ZNF124: variants seen among roughly 807,000 people sequenced by gnomAD.
ZNF124 encodes the protein zinc finger protein HZF-16.
ZNF124 carries 25 observed loss-of-function variants against 26.6 expected under a neutral mutation model. The ratio of observed to expected loss-of-function variants is 0.94; its 90% CI spans 0.68 to 1.31. The LOEUF is 1.31. Among genes scored for constraint, ZNF124 ranks in the 40% most tolerant of loss-of-function variants. ZNF124 has a pLI of 0.00. For missense variants in ZNF124, 444 were observed against 422.2 expected (o/e 1.05, Z -0.45); for synonymous variants, 129 against 133.3 (o/e 0.97, Z 0.22).
chr1:247,148,047 T>C (rs892298843), intron 3 of ZNF124, among the ~76,000 whole-genome samples: 1 of 152,282 alleles, frequency 6.6e-6, no homozygotes, highest in Admixed American at 6.5e-5. Flanking sequence ...GCCTGTTGAC[T>C]GCTTTCAGCA....
At chr1:247,139,792 T>C (rs1672578856) in intron 3 of ZNF124, among the ~76,000 whole-genome samples, 4 of 152,312 alleles carry the variant, frequency 2.6e-5, no homozygotes, top group Non-Finnish European at 4.4e-5. Context: ...GGTTGAAGAT[T>C]TTTTTCTTTA....
intron 3 of ZNF124, among the ~76,000 whole-genome samples, chr1:247,127,645 T>A (rs1015873014): frequency 1.4e-5 from 2 of 148,128 alleles, no homozygotes; most frequent in Non-Finnish European, 3.0e-5. Context: ...GGAAAAGCAC[T>A]GTGAAAATCC....
intron 1 of ZNF124, among the ~76,000 whole-genome samples, chr1:247,165,092 GAGTAGCTGTGACTAC>G (rs1384332392): frequency 1.3e-5 from 2 of 151,856 alleles, no homozygotes; most frequent in East Asian, 3.9e-4. Flanking sequence ...TCAGCCTCCC[GAGTAGCTGTGACTAC>G]AGGCGCCTGC....
chr1:247,130,083 G>A (rs192263862), intron 3 of ZNF124, among the ~76,000 whole-genome samples: 7 of 152,252 alleles, frequency 4.6e-5, no homozygotes, highest in South Asian at 4.1e-4. Flanking sequence ...ACTGCTACTC[G>A]TTTGTCACCT....
intron 2 of ZNF124, 30 bp downstream of exon 2, chr1:247,159,657 G>T: frequency 6.2e-7 from 1 of 1,601,526 alleles, no homozygotes; most frequent in Non-Finnish European, 8.5e-7. Context: ...CTTTCTGATT[G>T]ACTAAGTGAA....
rs1349264923 is a variant in ZNF124 at position 247,137,849 on chromosome 1, A to G, written c.219-13978T>C. 2.0e-5 allele frequency among the ~76,000 whole-genome samples: 3 copies of G among 152,256 alleles called. No individual in the cohort carries two copies. In the South Asian group the frequency reaches 6.2e-4, roughly 31 times the overall value. On this transcript the variant is annotated intron_variant, in intron 3 of 3. Coordinates refer to the ZNF124 transcript ENST00000472531. ...AGACATTTATGCATCTAACAAACAC[A>G]TGAACAAAAGCTCAACATCACTGAT...
At chr1:247,147,239 T>C (rs566463353) in intron 3 of ZNF124, among the ~76,000 whole-genome samples, 6 of 151,388 alleles carry the variant, frequency 4.0e-5, no homozygotes, top group Non-Finnish European at 7.4e-5. Context: ...TTTTTTTTTT[T>C]TTTTTGAGTC....
chr1:247,162,819 C>G (rs1015959870), intron 1 of ZNF124, among the ~76,000 whole-genome samples: 1 of 152,112 alleles, frequency 6.6e-6, no homozygotes, highest in African/African-American at 2.4e-5. Context: ...TACAAAGAGA[C>G]TTAACCACAG....
In ZNF124 at chr1:247,157,122, CT is replaced by C; in HGVS notation, c.499del (p.Arg167AspfsTer87). On this transcript the variant is annotated frameshift_variant, in exon 4 of 4. Coordinates refer to ENST00000543802, the MANE Select transcript of ZNF124 (RefSeq NM_001297568.2). LOFTEE classifies it high-confidence loss of function. ...KALGFSRSLN[R>X]HKRIHTGEKR... ...TTCTCCAGTGTGAATCCTTTTATGT[CT>C]ATTAAGAGAACGGGAAAAACCTAAG... 6.2e-7 allele frequency: 1 copy of C among 1,613,870 alleles called. No individual in the cohort carries two copies. Among genetic ancestry groups the C allele is most frequent in the South Asian group, 1.1e-5 (1 of 91,060 alleles).
chr1:247,144,625 G>A (rs1672714192), intron 3 of ZNF124, among the ~76,000 whole-genome samples: 1 of 152,174 alleles, frequency 6.6e-6, no homozygotes, highest in Non-Finnish European at 1.5e-5. Context: ...CTAACCCAAG[G>A]AGGACTGAGG....
At chr1:247,133,207 T>G (rs1052151027) in intron 3 of ZNF124, among the ~76,000 whole-genome samples, 1 of 151,888 alleles carries the variant, frequency 6.6e-6, no homozygotes, top group African/African-American at 2.4e-5. Context: ...GAAGACTGCC[T>G]TACTGAAATA....
chr1:247,160,286 CA>C (rs1673409920), intron 1 of ZNF124, among the ~76,000 whole-genome samples: 1 of 152,144 alleles, frequency 6.6e-6, no homozygotes, highest in African/African-American at 2.4e-5. Flanking sequence ...GCTCAGCCAG[CA>C]GTTCTTATGC....
intron 3 of ZNF124, among the ~76,000 whole-genome samples, chr1:247,143,798 C>T (rs144631957): frequency 3.9e-5 from 6 of 152,268 alleles, no homozygotes; most frequent in Non-Finnish European, 5.9e-5. Flanking sequence ...AGCACTAGCT[C>T]ACAGAAGTAG....
chr1:247,170,367 G>A (rs994924213), intron 1 of ZNF124, among the ~76,000 whole-genome samples: 6 of 143,806 alleles, frequency 4.2e-5, no homozygotes, highest in African/African-American at 1.5e-4. Context: ...TGGAGTTTGA[G>A]AGTATGAGGA....
intron 3 of ZNF124, among the ~76,000 whole-genome samples, 167 bp downstream of exon 3, chr1:247,158,839 G>A (rs927132271): frequency 6.6e-6 from 1 of 152,140 alleles, no homozygotes; most frequent in South Asian, 2.1e-4. Context: ...GTGTTGGTCA[G>A]GCTGGTCTCA....
Position 247,156,699 on chromosome 1 carries a change from T to C in ZNF124, c.923A>G (p.His308Arg). 6.2e-7 allele frequency: 1 copy of C among 1,613,856 alleles called. No homozygotes were observed. The change falls in exon 4 of 4, where the codon CAT becomes CGT. Residue 308 changes from histidine (H) to arginine (R), a missense_variant. Physicochemically the swap from His to Arg is conservative, Grantham distance 29 (BLOSUM62 0). Transcript: ENST00000543802. Reference sequence around the variant, plus strand: ...TTTCTCTCCAGTATGAGTCCTTTCATGGTCACGAAGGGAACTGGAACATCT... The same window carrying C: ...TTTCTCTCCAGTATGAGTCCTTTCACGGTCACGAAGGGAACTGGAACATCT... ...GFRCSSSLRD[H>R]ERTHTGEKPY...
exon 4 of ZNF124, chr1:247,123,590 T>A (rs1672134295): frequency 2.3e-6 from 1 of 442,456 alleles, no homozygotes; most frequent in African/African-American, 2.0e-5. Context: ...CCTCAGGTTA[T>A]TCCAAGTTCT....
chr1:247,136,143 C>T (rs1024634718), intron 3 of ZNF124, among the ~76,000 whole-genome samples: 1 of 152,042 alleles, frequency 6.6e-6, no homozygotes, highest in African/African-American at 2.4e-5. Context: ...TCTCTCACCA[C>T]TCCTAAGTTC....
chr1:247,124,910 C>G (rs772762104), intron 3 of ZNF124, among the ~76,000 whole-genome samples: 2 of 152,108 alleles, frequency 1.3e-5, no homozygotes, highest in Non-Finnish European at 2.9e-5. Flanking sequence ...GTGATCCTCC[C>G]ACCTCAGCCT....
Sources: allele counts gnomAD v4.1 joint callset (sites outside exome capture counted in the v4.1 genomes callset), GRCh38; gene constraint gnomAD v4.1.1; transcripts MANE v1.5; gene names NCBI Gene and HGNC (gene_info 2026-07-23, HGNC 2026-07-21).